VAC14: variants seen among roughly 807,000 people sequenced by gnomAD.
The protein encoded by VAC14 is VAC14 component of PIKFYVE complex.
VAC14 carries 47 observed loss-of-function variants against 85.3 expected under a neutral mutation model. That is an observed-to-expected ratio of 0.55 (90% confidence interval 0.44 to 0.70). VAC14 has a LOEUF of 0.70. Ranked by LOEUF, VAC14 falls within the 30% of genes least tolerant of loss-of-function variation. The pLI is 0.00. For missense variants in VAC14, 861 were observed against 1,004.3 expected, an observed-to-expected ratio of 0.86 and a Z score of 1.93; for synonymous variants, 447 against 430.5, an observed-to-expected ratio of 1.04 and a Z score of -0.47.
chr16:70,772,495 C>T, intron 9 of VAC14: 1 of 265,334 alleles, frequency 3.8e-6, no homozygotes, highest in Non-Finnish European at 7.2e-6. Flanking sequence ...GCATCCTTAG[C>T]TATCAGGAAA....
intron 14 of VAC14, among the ~76,000 whole-genome samples, chr16:70,719,000 A>T (rs2054227150): frequency 6.6e-6 from 1 of 152,206 alleles, no homozygotes; most frequent in Admixed American, 6.5e-5. Flanking sequence ...TTCCTACCAC[A>T]TGCCACCCAA....
chr16:70,744,012 G>C (rs1346935657), intron 13 of VAC14, among the ~76,000 whole-genome samples: 21 of 152,088 alleles, frequency 1.4e-4, no homozygotes, highest in Admixed American at 1.2e-3. Context: ...GCCACGTGCA[G>C]TGCTATTTTT....
intron 13 of VAC14, among the ~76,000 whole-genome samples, chr16:70,733,382 T>G (rs996325256): frequency 3.3e-5 from 5 of 152,200 alleles, no homozygotes; most frequent in African/African-American, 1.2e-4. Flanking sequence ...TGTTTGTCCA[T>G]TCATCAGCTG....
intron 5 of VAC14, among the ~76,000 whole-genome samples, chr16:70,783,755 C>T (rs1004306723): frequency 6.6e-6 from 1 of 152,148 alleles, no homozygotes; most frequent in Non-Finnish European, 1.5e-5. Flanking sequence ...GGCAATTTGA[C>T]TCTAAGGAAA....
chr16:70,738,081 T>C (rs529924565), intron 13 of VAC14, among the ~76,000 whole-genome samples: 142 of 152,248 alleles, frequency 9.3e-4, no homozygotes, highest in Admixed American at 2.1e-3. Context: ...CTAAAGAGCA[T>C]CAAGTCGTGC....
At chr16:70,741,737 C>T (rs940742661) in intron 13 of VAC14, among the ~76,000 whole-genome samples, 6 of 152,178 alleles carry the variant, frequency 3.9e-5, no homozygotes, top group East Asian at 1.9e-4. Context: ...CTATGAATTC[C>T]GAGGGAGTCC....
At chr16:70,744,384 T>C in intron 13 of VAC14, 39 bp downstream of exon 13, 5 of 1,613,038 alleles carry the variant, frequency 3.1e-6, no homozygotes, top group Non-Finnish European at 4.2e-6. Flanking sequence ...GCACTGGCAC[T>C]AAGGCCCCTG....
chr16:70,696,914 C>A, intron 16 of VAC14: 1 of 481,114 alleles, frequency 2.1e-6, no homozygotes. Context: ...TCTCCCGGGC[C>A]AGCTCCCCCT....
intron 17 of VAC14, among the ~76,000 whole-genome samples, chr16:70,695,127 T>TC (rs1421658531): frequency 1.4e-5 from 2 of 140,296 alleles, no homozygotes; most frequent in Non-Finnish European, 3.2e-5. Flanking sequence ...TTTTTTTTTT[T>TC]CTGAGGCAGG....
chr16:70,738,232 G>A (rs1311627438), intron 13 of VAC14, among the ~76,000 whole-genome samples: 1 of 152,214 alleles, frequency 6.6e-6, no homozygotes, highest in Admixed American at 6.5e-5. Flanking sequence ...TCTTGGGGGT[G>A]TAGAGTCTGC....
At chr16:70,766,113 C>T (rs1422732067) in intron 10 of VAC14, among the ~76,000 whole-genome samples, 2 of 149,718 alleles carry the variant, frequency 1.3e-5, no homozygotes, top group African/African-American at 5.0e-5. Context: ...GACTGTGTCA[C>T]TGTACTCCAG....
At chr16:70,778,144 A>T (rs28621024) in intron 9 of VAC14, among the ~76,000 whole-genome samples, 2,761 of 152,294 alleles carry the variant, frequency 0.018, 85 homozygotes, top group African/African-American at 0.062. Flanking sequence ...GGTTAGGGTA[A>T]TACTCTCCTG....
chr16:70,761,429 G>A (rs1471493611), intron 12 of VAC14, among the ~76,000 whole-genome samples: 2 of 152,226 alleles, frequency 1.3e-5, no homozygotes, highest in Non-Finnish European at 2.9e-5. Flanking sequence ...AGCTTGGACC[G>A]TCAGCATCTG....
At chr16:70,749,994 C>A (rs2031246303) in intron 12 of VAC14, among the ~76,000 whole-genome samples, 1 of 152,228 alleles carries the variant, frequency 6.6e-6, no homozygotes. Flanking sequence ...TGGCTTTGAG[C>A]CTCTGTGCTG....
intron 12 of VAC14, chr16:70,747,143 A>C (rs2143014577): frequency 6.6e-6 from 1 of 152,314 alleles, no homozygotes; most frequent in East Asian, 1.9e-4. Context: ...AGGGAATATT[A>C]TTTGGTAATA....
At chr16:70,731,886 CA>C (rs772243039) in intron 13 of VAC14, among the ~76,000 whole-genome samples, 5 of 152,116 alleles carry the variant, frequency 3.3e-5, no homozygotes, top group Non-Finnish European at 7.4e-5. Flanking sequence ...AAAAAAATCC[CA>C]TTACTGTCCA....
At position 70,724,920 on chromosome 16, in the gene VAC14, C is replaced by G. The variant is rs140108025; in HGVS notation, c.1661+6575G>C. On this transcript the variant is annotated intron_variant, in intron 14 of 18. Transcript: ENST00000261776. ...TGAAAGATCAAAACCCATCTGCATT[C>G]TGGGTAGGTGGATCGGGGCCTCTTC... Among the ~76,000 whole-genome samples, 864 of 152,378 alleles carry G rather than the reference C, an allele frequency of 5.7e-3. 4 individuals carry two copies. The highest frequency in any genetic ancestry group is 9.9e-3 in the Non-Finnish European group (673 of 68,036).
chr16:70,693,283 G>A (rs1183392949), intron 17 of VAC14, among the ~76,000 whole-genome samples: 2 of 152,172 alleles, frequency 1.3e-5, no homozygotes, highest in Non-Finnish European at 1.5e-5. Context: ...CCACAACCCC[G>A]AGACACGCTG....
chr16:70,732,974 A>G (rs933691273), intron 13 of VAC14, among the ~76,000 whole-genome samples: 21 of 152,322 alleles, frequency 1.4e-4, no homozygotes, highest in African/African-American at 4.6e-4. Flanking sequence ...TTAAAAAGAA[A>G]ACAGCTTTAT....
Sources: gnomAD v4.1 joint callset for allele counts (sites outside exome capture counted in the v4.1 genomes callset) on GRCh38, gnomAD v4.1.1 for gene constraint, MANE v1.5 for transcripts, NCBI Gene and HGNC (gene_info 2026-07-23, HGNC 2026-07-21) for gene names.